The following MLXIP variants were observed in gnomAD, a reference collection of about 807,000 sequenced individuals.
MLXIP encodes the protein MLX interacting protein, also known as MLX-interacting protein.
Under a neutral mutation model 87.2 loss-of-function variants are expected in MLXIP, and 30 were observed. The observed-to-expected ratio is 0.34, with a 90% confidence interval of 0.26 to 0.47. The LOEUF is 0.47. Ranked by LOEUF, MLXIP falls within the 20% of genes least tolerant of loss-of-function variation. MLXIP has a pLI of 1.00. For synonymous variants in MLXIP, 530 were observed against 514.0 expected, an observed-to-expected ratio of 1.03 and a Z score of -0.42; for missense variants, 1,002 against 1,240.1, an observed-to-expected ratio of 0.81 and a Z score of 2.88.
intron 8 of MLXIP, 134 bp downstream of exon 8, chr12:122,132,517 G>T: frequency 1.5e-6 from 1 of 674,222 alleles, no homozygotes; most frequent in South Asian, 1.8e-5. Context: ...TGCTAGACCA[G>T]CACTAATGTG....
chr12:122,131,632 G>A (rs954273580), intron 7 of MLXIP, among the ~76,000 whole-genome samples: 3 of 151,162 alleles, frequency 2.0e-5, no homozygotes, highest in African/African-American at 7.3e-5. Flanking sequence ...TCATTTTTTT[G>A]TAAAGACGGG....
intron 14 of MLXIP, 81 bp from the exon 15 acceptor site, chr12:122,138,734 G>A: frequency 7.1e-6 from 11 of 1,556,792 alleles, no homozygotes; most frequent in Non-Finnish European, 9.5e-6. Flanking sequence ...CCCGGCACTG[G>A]GCCAGCCCTG....
intron 15 of MLXIP, among the ~76,000 whole-genome samples, chr12:122,139,242 G>T (rs1953153163): frequency 6.6e-6 from 1 of 152,168 alleles, no homozygotes; most frequent in East Asian, 1.9e-4. Context: ...GAAGGTGCAG[G>T]GGAAGGAGGC....
intron 1 of MLXIP, among the ~76,000 whole-genome samples, chr12:122,082,687 T>C (rs1160296428): frequency 6.6e-6 from 1 of 152,200 alleles, no homozygotes; most frequent in East Asian, 1.9e-4. Flanking sequence ...GCTTGACAAA[T>C]ACTAAATAGA....
intron 1 of MLXIP, among the ~76,000 whole-genome samples, chr12:122,113,677 A>ATTTTTTT (rs1305197741): frequency 1.4e-4 from 12 of 87,934 alleles, no homozygotes; most frequent in Non-Finnish European, 1.8e-4. Flanking sequence ...AACTGCCTTC[A>ATTTTTTT]TTTCTTTTTT....
chr12:122,117,809 G>T (rs1305223290), intron 1 of MLXIP, among the ~76,000 whole-genome samples: 1 of 152,094 alleles, frequency 6.6e-6, no homozygotes, highest in Admixed American at 6.6e-5. Context: ...CTATACTTGT[G>T]ATAAAGCTTA....
Position 122,121,009 on chromosome 12 carries a change from G to GTTTTTTTTTTTTTTTTTTT in MLXIP, c.414-6247_414-6246insTTTTTTTTTTTTTTTTTTT, listed in dbSNP as rs776332981. On this transcript the variant is annotated intron_variant, in intron 1 of 16. Coordinates refer to ENST00000319080, the MANE Select transcript of MLXIP (RefSeq NM_014938.6). The stretch of plus-strand genomic sequence containing the variant: ...TAGCCCCAGAGCCCTCTGCATGCTT[G>GTTTTTTTTTTTTTTTTTTT]GTTTTTTTTTTTTTTTTTTGAAACG... Among the ~76,000 whole-genome samples, 51 of 102,168 alleles carry GTTTTTTTTTTTTTTTTTTT rather than the reference G, an allele frequency of 5.0e-4. 1 individual carries two copies. The highest frequency in any genetic ancestry group is 1.7e-3 in the African/African-American group (43 of 24,856). 67.0% of individuals were successfully genotyped at this position (102,168 alleles called of 152,430 possible).
At position 122,142,935 on chromosome 12, in the gene MLXIP, TCTGGGCTGGGTGGAGGTGTGG is replaced by T; in HGVS notation, c.*1134_*1154del. The T allele has an allele frequency of 6.5e-6, 1 of 153,690 alleles. No homozygotes were observed. The highest frequency in any genetic ancestry group is 1.9e-4 in the East Asian group (1 of 5,200). The allele number at this position is 153,690 out of a possible 1,614,324, so 9.5% of individuals were successfully genotyped here. ...TCAGACAGCAAAGAATCTACCCAGA[TCTGGGCTGGGTGGAGGTGTGG>T]CTGGGCTGGGGGCCATTCTGAGCCT... On this transcript the variant is annotated 3_prime_UTR_variant, in exon 17 of 17. Transcript: ENST00000319080.
At chr12:122,086,400 G>A (rs576907966) in intron 1 of MLXIP, among the ~76,000 whole-genome samples, 2 of 152,198 alleles carry the variant, frequency 1.3e-5, no homozygotes, top group African/African-American at 2.4e-5. Flanking sequence ...CTAGTGATAG[G>A]AGGGCCCTGG....
At chr12:122,093,452 G>GGT (rs1209474865) in intron 1 of MLXIP, among the ~76,000 whole-genome samples, 2 of 145,994 alleles carry the variant, frequency 1.4e-5, no homozygotes, top group South Asian at 2.2e-4. Flanking sequence ...GTATGTGTGG[G>GGT]GTGTGTGTAT....
intron 1 of MLXIP, among the ~76,000 whole-genome samples, chr12:122,113,805 C>T (rs1952643169): frequency 6.7e-6 from 1 of 148,974 alleles, no homozygotes; most frequent in African/African-American, 2.5e-5. Flanking sequence ...CTGCGTCAGC[C>T]TCCCGAGGAG....
chr12:122,101,566 A>C (rs557400983), intron 1 of MLXIP, among the ~76,000 whole-genome samples: 2 of 136,620 alleles, frequency 1.5e-5, no homozygotes, highest in Non-Finnish European at 3.1e-5. Flanking sequence ...TTATTTATTT[A>C]TTTTTTTCTT....
intron 1 of MLXIP, among the ~76,000 whole-genome samples, chr12:122,082,163 G>A (rs568190492): frequency 4.6e-5 from 7 of 152,296 alleles, no homozygotes; most frequent in African/African-American, 1.7e-4. Flanking sequence ...GGGTGTTTGA[G>A]GACTTGGATA....
intron 1 of MLXIP, among the ~76,000 whole-genome samples, chr12:122,084,151 T>C (rs1391692142): frequency 9.2e-5 from 5 of 54,620 alleles, no homozygotes; most frequent in Non-Finnish European, 2.6e-4. Context: ...AGATTGTGTG[T>C]GTGTGTGTGT....
chr12:122,129,868 G>A (rs1430403398), intron 5 of MLXIP, 73 bp from the exon 6 acceptor site: 5 of 1,543,582 alleles, frequency 3.2e-6, no homozygotes, highest in Non-Finnish European at 4.4e-6. Context: ...ATTTCCCCAG[G>A]TGACAGGCGT....
chr12:122,099,997 G>C (rs561335693), intron 1 of MLXIP, among the ~76,000 whole-genome samples: 1 of 152,266 alleles, frequency 6.6e-6, no homozygotes, highest in East Asian at 1.9e-4. Flanking sequence ...GAAGAGCCAG[G>C]AAGGAGGAAA....
chr12:122,127,239 T>C lies in MLXIP; in HGVS notation c.414-17T>C. ...CAGAGTAACCACTGAGTCTCCCCGC[T>C]TTGCCTTGCCTTTCAGTGGGAAGTT... On this transcript the variant is annotated splice_polypyrimidine_tract_variant and intron_variant, in intron 1 of 16. Transcript: ENST00000319080. The C allele has an allele frequency of 6.2e-7, 1 of 1,600,118 alleles. No individual in the cohort carries two copies. The highest frequency in any genetic ancestry group is 8.6e-7 in the Non-Finnish European group (1 of 1,168,074).
intron 1 of MLXIP, among the ~76,000 whole-genome samples, chr12:122,091,536 TA>T (rs1767309169): frequency 2.6e-5 from 4 of 152,122 alleles, no homozygotes; most frequent in Admixed American, 2.6e-4. Flanking sequence ...TGTGTCTGTT[TA>T]AAAAAACAAC....
chr12:122,097,985 TGC>T (rs1198310214), intron 1 of MLXIP, among the ~76,000 whole-genome samples: 1 of 152,218 alleles, frequency 6.6e-6, no homozygotes, highest in Non-Finnish European at 1.5e-5. Context: ...AGCTCACTGG[TGC>T]TATGCACGGC....
Sources: allele counts gnomAD v4.1 joint callset (sites outside exome capture counted in the v4.1 genomes callset), GRCh38; gene constraint gnomAD v4.1.1; transcripts MANE v1.5; gene names NCBI Gene and HGNC (gene_info 2026-07-23, HGNC 2026-07-21).